Variants in ADGRV1 observed in about 807,000 individuals in gnomAD.
The protein encoded by ADGRV1 is G-protein coupled receptor 98.
In ADGRV1, 359 loss-of-function variants were observed where a neutral mutation model predicts 596.2. The observed-to-expected ratio is 0.60, with a 90% CI of 0.55 to 0.66. The LOEUF (loss-of-function observed/expected upper bound fraction) is 0.66. Ranked by LOEUF, ADGRV1 falls within the 30% of genes least tolerant of loss-of-function variation. The pLI, the probability that ADGRV1 is intolerant of heterozygous loss-of-function variation, is 0.00. For missense variants in ADGRV1, 7,274 were observed against 7,575.6 expected, an observed-to-expected ratio of 0.96 and a Z score of 1.48; for synonymous variants, 2,681 against 2,679.2, an observed-to-expected ratio of 1.00 and a Z score of -0.02.
intron 83 of ADGRV1, among the ~76,000 whole-genome samples, chr5:90,874,883 C>T (rs960832652): frequency 6.6e-6 from 1 of 152,008 alleles, no homozygotes; most frequent in African/African-American, 2.4e-5. Context: ...AAAAAACAAC[C>T]TGGTTAAATA....
intron 87 of ADGRV1, among the ~76,000 whole-genome samples, chr5:91,124,372 G>A (rs1233639079): frequency 1.3e-5 from 2 of 151,988 alleles, no homozygotes; most frequent in African/African-American, 4.8e-5. Context: ...TTAAATGTTT[G>A]TCTTGTTTTT....
intron 1 of ADGRV1, among the ~76,000 whole-genome samples, chr5:90,567,754 G>A (rs75608705): frequency 1.8e-4 from 19 of 106,158 alleles, no homozygotes; most frequent in African/African-American, 6.5e-4. Context: ...TTTTTTTTTT[G>A]ACAGAATCTT....
At chr5:91,119,844 T>C (rs1289726762) in intron 87 of ADGRV1, among the ~76,000 whole-genome samples, 1 of 152,222 alleles carries the variant, frequency 6.6e-6, no homozygotes, top group Non-Finnish European at 1.5e-5. Flanking sequence ...CACAAGTCTT[T>C]TCCAGCCCAA....
Position 90,842,262 on chromosome 5 carries a change from G to A in ADGRV1, c.17019+1277G>A, listed in dbSNP as rs979974024. On this transcript the variant is annotated intron_variant, in intron 78 of 89. Transcript: ENST00000405460. ...CATCTTGACTGTTACTAGTACTATC[G>A]TGAATAATACAATGGAATTATAAAA... 7.9e-5 allele frequency among the ~76,000 whole-genome samples: 12 copies of A among 152,096 alleles called. 1 individual carries two copies. The South Asian group carries it at 1.2e-3, about 16-fold the overall frequency.
At chr5:90,972,724 G>A (rs1257778738) in intron 84 of ADGRV1, among the ~76,000 whole-genome samples, 2 of 152,036 alleles carry the variant, frequency 1.3e-5, no homozygotes, top group East Asian at 1.9e-4. Context: ...GAAATTTATA[G>A]CACTAAATGC....
At chr5:90,908,043 C>T (rs1289349125) in intron 83 of ADGRV1, among the ~76,000 whole-genome samples, 2 of 151,992 alleles carry the variant, frequency 1.3e-5, no homozygotes, top group East Asian at 1.9e-4. Context: ...TAGAGACGGG[C>T]TTTCACCACG....
chr5:90,934,096 C>T (rs1221750689), intron 83 of ADGRV1, among the ~76,000 whole-genome samples: 4 of 152,130 alleles, frequency 2.6e-5, no homozygotes, highest in Non-Finnish European at 5.9e-5. Flanking sequence ...GGGGTTTTGT[C>T]TGTTCTTCTT....
At chr5:90,796,825 C>G (rs1760770822) in intron 70 of ADGRV1, among the ~76,000 whole-genome samples, 1 of 152,100 alleles carries the variant, frequency 6.6e-6, no homozygotes, top group Non-Finnish European at 1.5e-5. Context: ...ATTCAACATT[C>G]TTAAAGAAAA....
intron 84 of ADGRV1, among the ~76,000 whole-genome samples, chr5:90,970,250 C>T (rs1778841865): frequency 6.6e-6 from 1 of 152,200 alleles, no homozygotes; most frequent in South Asian, 2.1e-4. Context: ...GTGGAGCCCA[C>T]TGCAGCTCAA....
intron 83 of ADGRV1, among the ~76,000 whole-genome samples, chr5:90,892,010 G>A (rs1770872993): frequency 6.6e-6 from 1 of 151,884 alleles, no homozygotes; most frequent in Non-Finnish European, 1.5e-5. Context: ...TCATCCTTTA[G>A]AATGTAAAGA....
chr5:90,582,027 T>C (rs1424895661), intron 1 of ADGRV1, among the ~76,000 whole-genome samples: 1 of 152,154 alleles, frequency 6.6e-6, no homozygotes, highest in East Asian at 1.9e-4. Context: ...TCATTTTTAT[T>C]GCACTGTGGT....
chr5:90,950,647 C>G (rs377227777), intron 83 of ADGRV1, among the ~76,000 whole-genome samples: 1 of 151,992 alleles, frequency 6.6e-6, no homozygotes, highest in East Asian at 1.9e-4. Context: ...AAAAATATAA[C>G]TGATAGAATT....
chr5:91,048,606 A>G (rs1013820667), intron 85 of ADGRV1, among the ~76,000 whole-genome samples: 6 of 152,200 alleles, frequency 3.9e-5, no homozygotes, highest in African/African-American at 1.4e-4. Context: ...TGCCAAAAAA[A>G]TAAATAAATA....
chr5:90,737,210 ATATT>A (rs1007066320), intron 50 of ADGRV1, among the ~76,000 whole-genome samples: 4 of 151,894 alleles, frequency 2.6e-5, no homozygotes, highest in African/African-American at 9.7e-5. Flanking sequence ...TGTTTAGAGT[ATATT>A]TAATTTCTAC....
chr5:91,115,862 G>A (rs1407754957), intron 87 of ADGRV1, among the ~76,000 whole-genome samples: 13 of 152,042 alleles, frequency 8.6e-5, no homozygotes, highest in African/African-American at 2.9e-4. Context: ...CAGAAGAATC[G>A]CTTGAACACT....
intron 83 of ADGRV1, among the ~76,000 whole-genome samples, chr5:90,932,833 A>C (rs1775371500): frequency 6.6e-6 from 1 of 152,158 alleles, no homozygotes; most frequent in Non-Finnish European, 1.5e-5. Context: ...TAGTATACAC[A>C]CATACATATA....
chr5:90,957,812 G>T (rs1355828844), intron 83 of ADGRV1, among the ~76,000 whole-genome samples: 1 of 151,376 alleles, frequency 6.6e-6, no homozygotes, highest in Non-Finnish European at 1.5e-5. Context: ...AAATAGTAAA[G>T]TATGTTATTG....
chr5:90,706,061 A>C (rs957870402), intron 37 of ADGRV1, among the ~76,000 whole-genome samples, 170 bp from the exon 38 acceptor site: 2 of 152,200 alleles, frequency 1.3e-5, no homozygotes, highest in African/African-American at 4.8e-5. Context: ...ACAGTGAGAC[A>C]CCCATGAGCC....
intron 85 of ADGRV1, among the ~76,000 whole-genome samples, chr5:91,038,806 C>A (rs886177776): frequency 6.6e-6 from 1 of 152,134 alleles, no homozygotes; most frequent in Non-Finnish European, 1.5e-5. Flanking sequence ...GTCACACTCA[C>A]CTCAATATAC....
Sources: gnomAD v4.1 joint callset for allele counts (sites outside exome capture counted in the v4.1 genomes callset) on GRCh38, gnomAD v4.1.1 for gene constraint, MANE v1.5 for transcripts, NCBI Gene and HGNC (gene_info 2026-07-23, HGNC 2026-07-21) for gene names.